MEA1: variants seen among roughly 807,000 people sequenced by gnomAD.
MEA1 encodes Male-enhanced antigen (H-Y structural gene).
A neutral mutation model predicts 21.4 loss-of-function variants in MEA1; 22 were observed. The ratio of observed to expected loss-of-function variants is 1.03; its 90% CI spans 0.73 to 1.47. MEA1 has a LOEUF of 1.47. Among genes scored for constraint, MEA1 ranks in the 40% most tolerant of loss-of-function variants. MEA1 has a pLI of 0.00. For missense variants in MEA1, 233 were observed against 230.5 expected (o/e 1.01, Z -0.07); for synonymous variants, 91 against 85.5 (o/e 1.06, Z -0.35).
rs767060301 is a variant in MEA1, at chr6:43,013,032, C to T, written c.304-4G>A. 9 of 1,614,172 alleles carry T rather than the reference C, an allele frequency of 5.6e-6. No individual in the cohort carries two copies. In the South Asian group the frequency reaches 9.9e-5, roughly 18 times the overall value. ...CTGGCAAATGAAGCCCCAGGGCCTG[C>T]AGAGCCACAGAAGACCGTTTGGGTC... On this transcript the variant is annotated splice_region_variant and splice_polypyrimidine_tract_variant and intron_variant, in intron 2 of 3. Coordinates refer to ENST00000244711, the MANE Select transcript of MEA1 (RefSeq NM_014623.4).
upstream of MEA1, chr6:43,014,395 G>C (rs1271647267): frequency 3.3e-6 from 2 of 601,948 alleles, no homozygotes; most frequent in African/African-American, 1.8e-5. Flanking sequence ...GGGGGCTTAG[G>C]ACGTGCTGTC....
chr6:43,013,316 A>C lies in MEA1; in HGVS notation c.102T>G (p.Thr34=), dbSNP rs1762440775. The C allele has an allele frequency of 6.2e-7, 1 of 1,614,026 alleles. No individual in the cohort carries two copies. Among genetic ancestry groups the C allele is most frequent in the Non-Finnish European group, 8.5e-7 (1 of 1,179,996 alleles). The change falls in exon 2 of 4, where the codon ACT becomes ACG. Residue 34 remains threonine, a synonymous_variant. Transcript: ENST00000244711. ...AAGGGCCCTGATGTCCCAGTTCCTC[A>C]GTCTGATTGGGGAAGATACGCTCAG... ...MGPERIFPNQ[T]EELGHQGPSE... is the part of the protein sequence containing the mutation.
At position 43,013,938 on chromosome 6, in the gene MEA1, C is replaced by T. The variant is rs1762483599; in HGVS notation, c.-125G>A. The T allele has an allele frequency of 6.8e-6, 10 of 1,464,112 alleles. No individual in the cohort carries two copies. Among genetic ancestry groups the T allele is most frequent in the Non-Finnish European group, 8.1e-6 (9 of 1,107,366 alleles). The allele number at this position is 1,464,112 out of a possible 1,614,324, so 90.7% of individuals were successfully genotyped here. ...GGCCTCCACTTCCGGCGGGGCAGGACGTGCAGAGGTGCCTAGTCCTCCAGC... is the reference window on the plus strand; with the variant it reads ...GGCCTCCACTTCCGGCGGGGCAGGATGTGCAGAGGTGCCTAGTCCTCCAGC... On this transcript the variant is annotated 5_prime_UTR_variant, in exon 1 of 4. Coordinates refer to ENST00000244711, the MANE Select transcript of MEA1 (RefSeq NM_014623.4).
chr6:43,014,766 G>C (rs1394539061), upstream of MEA1, among the ~76,000 whole-genome samples: 5 of 152,170 alleles, frequency 3.3e-5, no homozygotes, highest in African/African-American at 1.2e-4. Context: ...ATGGAGGGCT[G>C]TTGGGTGGAG....
intron 1 of MEA1, 114 bp downstream of exon 1, chr6:43,013,672 G>A (rs897233435): frequency 1.4e-5 from 16 of 1,160,038 alleles, no homozygotes; most frequent in Non-Finnish European, 1.9e-5. Flanking sequence ...CCAGAACCCC[G>A]GCTCCCCGCG....
At position 43,012,498 on chromosome 6, in the gene MEA1, G is replaced by A; in HGVS notation, c.530C>T (p.Ala177Val). ...WEDVVQKALQ[A>V]RQASPAWK Reference sequence around the variant, plus strand: ...CTTCCAGGCAGGGGATGCCTGCCGGGCTTGGAGGGCTTTCTGTACCACATC... The same window carrying A: ...CTTCCAGGCAGGGGATGCCTGCCGGACTTGGAGGGCTTTCTGTACCACATC... Residue 177 changes from alanine to valine, a missense_variant, in exon 4 of 4, where the codon GCC becomes GTC. Transcript: ENST00000244711. The A allele has an allele frequency of 6.2e-7, 1 of 1,605,442 alleles. No individual in the cohort carries two copies. The highest frequency in any genetic ancestry group is 8.5e-7 in the Non-Finnish European group (1 of 1,177,214).
intron 1 of MEA1, 31 bp downstream of exon 1, chr6:43,013,755 T>C: frequency 6.4e-7 from 1 of 1,574,690 alleles, no homozygotes; most frequent in Non-Finnish European, 8.7e-7. Context: ...CCCGCCCCCT[T>C]CTCCCCTCTC....
At position 43,011,470 on chromosome 6, in the gene MEA1, GGT is replaced by G; in HGVS notation, c.*998_*999del. On this transcript the variant is annotated 3_prime_UTR_variant, in exon 4 of 4. Transcript: ENST00000244711. Reference sequence around the variant, plus strand: ...AGAATGGTCCCTCTTCTCCCCAAAAGGTGTTCATGCCTCCCTGTGGCTAGTAC... The same window carrying G: ...AGAATGGTCCCTCTTCTCCCCAAAAGGTTCATGCCTCCCTGTGGCTAGTAC... The G allele has an allele frequency of 1.3e-6, 1 of 773,680 alleles. No homozygotes were observed. The allele number at this position is 773,680 out of a possible 1,614,324, so 47.9% of individuals were successfully genotyped here.
rs41274906 is a variant in MEA1 at position 43,011,563 on chromosome 6, A to G, written c.*907T>C. ...GATGCCTGTCCCCTACCTGCTCCTC[A>G]CCCACAGCTACCTGAGGCTGCTCTG... On this transcript the variant is annotated 3_prime_UTR_variant, in exon 4 of 4. Coordinates refer to ENST00000244711, the MANE Select transcript of MEA1 (RefSeq NM_014623.4). 2,032 of 499,930 alleles carry G rather than the reference A, an allele frequency of 4.1e-3. 10 individuals are homozygous for G. Among genetic ancestry groups the G allele is most frequent in the Non-Finnish European group, 5.9e-3 (1,638 of 276,104 alleles). 31.0% of individuals were successfully genotyped at this position (499,930 alleles called of 1,614,324 possible). A position where few individuals can be genotyped will look rare whatever the true frequency, so the allele number is the denominator to read the frequency against.
intron 1 of MEA1, 157 bp downstream of exon 1, chr6:43,013,629 G>T (rs1762461324): frequency 1.1e-6 from 1 of 876,888 alleles, no homozygotes; most frequent in Admixed American, 2.7e-5. Flanking sequence ...ACGCCCAACC[G>T]GAGGCCCTGC....
chr6:43,011,609 A>G lies in MEA1; in HGVS notation c.*861T>C. ...CTCTGAGAAGTACACACAGGAATAC[A>G]TACGCTCCTCTATTCTTCCCTTCAT... On this transcript the variant is annotated 3_prime_UTR_variant, in exon 4 of 4. Coordinates refer to ENST00000244711, the MANE Select transcript of MEA1 (RefSeq NM_014623.4). 2.6e-6 allele frequency: 1 copy of G among 382,338 alleles called. No individual in the cohort carries two copies. Among genetic ancestry groups the G allele is most frequent in the South Asian group, 3.2e-5 (1 of 31,474 alleles). The allele number at this position is 382,338 out of a possible 1,614,324, so 23.7% of individuals were successfully genotyped here.
rs1762484072 is a variant in MEA1 at position 43,013,944 on chromosome 6, G to A, written c.-131C>T. Reference sequence around the variant, plus strand: ...CACTTCCGGCGGGGCAGGACGTGCAGAGGTGCCTAGTCCTCCAGCCCCGCC... The same window carrying A: ...CACTTCCGGCGGGGCAGGACGTGCAAAGGTGCCTAGTCCTCCAGCCCCGCC... On this transcript the variant is annotated 5_prime_UTR_variant, in exon 1 of 4. Coordinates refer to ENST00000244711, the MANE Select transcript of MEA1 (RefSeq NM_014623.4). The A allele has an allele frequency of 6.9e-7, 1 of 1,459,602 alleles. No homozygotes were observed. Among genetic ancestry groups the A allele is most frequent in the Non-Finnish European group, 9.0e-7 (1 of 1,105,048 alleles). 90.4% of individuals were successfully genotyped at this position (1,459,602 alleles called of 1,614,324 possible).
Position 43,013,179 on chromosome 6 carries a change from T to C in MEA1, c.239A>G (p.Glu80Gly), listed in dbSNP as rs764564761. ...CCCCACTGGTGCCAGTTCCACCTCCTCTTGTTCAGGATCTTGGTTCAGGGG... is the reference window on the plus strand; with the variant it reads ...CCCCACTGGTGCCAGTTCCACCTCCCCTTGTTCAGGATCTTGGTTCAGGGG... The part of the protein sequence containing the change: ...YQPLNQDPEQ[E>G]EVELAPVGDG... The change falls in exon 2 of 4, where the codon GAG becomes GGG. Residue 80 changes from glutamate (E) to glycine (G), a missense_variant. Physicochemically the swap from Glu to Gly is moderately conservative, Grantham distance 98. Transcript: ENST00000244711. 1.9e-6 allele frequency: 3 copies of C among 1,614,136 alleles called. No homozygotes were observed. Among genetic ancestry groups the C allele is most frequent in the South Asian group, 2.2e-5 (2 of 91,076 alleles).
Position 43,012,182 on chromosome 6 carries a change from C to A in MEA1, c.*288G>T. The A allele has an allele frequency of 1.8e-6, 2 of 1,122,550 alleles. No individual in the cohort carries two copies. The highest frequency in any genetic ancestry group is 2.2e-6 in the Non-Finnish European group (2 of 918,344). 69.5% of individuals were successfully genotyped at this position (1,122,550 alleles called of 1,614,324 possible). A position where few individuals can be genotyped will look rare whatever the true frequency, so the allele number is the denominator to read the frequency against. Reference sequence around the variant, plus strand: ...ATAGGTACCTTGGAGGGGCCAGGGGCTGAGGAAGGCCGGACCCAGGTTCCA... The same window carrying A: ...ATAGGTACCTTGGAGGGGCCAGGGGATGAGGAAGGCCGGACCCAGGTTCCA... On this transcript the variant is annotated 3_prime_UTR_variant, in exon 4 of 4. Transcript: ENST00000244711.
In MEA1 at chr6:43,013,392, G is replaced by T; in HGVS notation, c.29-3C>A. 2 of 1,611,426 alleles carry T rather than the reference G, an allele frequency of 1.2e-6. No homozygotes were observed. The highest frequency in any genetic ancestry group is 8.5e-7 in the Non-Finnish European group (1 of 1,179,088). On this transcript the variant is annotated splice_polypyrimidine_tract_variant and splice_region_variant and intron_variant, in intron 1 of 3. Coordinates refer to ENST00000244711, the MANE Select transcript of MEA1 (RefSeq NM_014623.4). ...TACTGTTGCCATCCGGGCAGGGGCT[G>T]CAAGAACAGGGAGGCGGTAGGACAG...
chr6:43,013,717 ATCAGAC>A, intron 1 of MEA1, 63 bp downstream of exon 1: 1 of 1,471,454 alleles, frequency 6.8e-7, no homozygotes, highest in Non-Finnish European at 9.4e-7. Flanking sequence ...ACTCTGGGTC[ATCAGAC>A]TCCCCTAAAC....
Position 43,013,830 on chromosome 6 carries a change from G to A in MEA1, c.-17C>T, listed in dbSNP as rs764129922. 8.8e-6 allele frequency: 14 copies of A among 1,598,532 alleles called. No individual in the cohort carries two copies. The Admixed American group carries it at 2.4e-4, about 27-fold the overall frequency. On this transcript the variant is annotated 5_prime_UTR_variant, in exon 1 of 4. Coordinates refer to ENST00000244711, the MANE Select transcript of MEA1 (RefSeq NM_014623.4). Reference sequence around the variant, plus strand: ...AGGCCCCATGGGCTCCCCTCAAATGGCCCCAGCTGCAGCGTCCCCCACCCG... The same window carrying A: ...AGGCCCCATGGGCTCCCCTCAAATGACCCCAGCTGCAGCGTCCCCCACCCG...
upstream of MEA1, chr6:43,014,095 A>G (rs1762490902): frequency 2.1e-6 from 3 of 1,415,284 alleles, no homozygotes; most frequent in Non-Finnish European, 2.8e-6. Flanking sequence ...ACATATTTGC[A>G]CATGCGCAGA....
upstream of MEA1, chr6:43,013,988 CT>C: frequency 7.0e-7 from 1 of 1,429,788 alleles, no homozygotes; most frequent in East Asian, 2.6e-5. Context: ...ATGATTGACG[CT>C]GGCGAGGACG....
Sources: allele counts gnomAD v4.1 joint callset (sites outside exome capture counted in the v4.1 genomes callset), GRCh38; gene constraint gnomAD v4.1.1; transcripts MANE v1.5; gene names NCBI Gene and HGNC (gene_info 2026-07-23, HGNC 2026-07-21).